The following HEATR4 variants were observed in gnomAD, a reference collection of about 807,000 sequenced individuals.
The protein encoded by HEATR4 is HEAT repeat containing 4.
A neutral mutation model predicts 108.8 loss-of-function variants in HEATR4; 95 were observed. The ratio of observed to expected loss-of-function variants is 0.87; its 90% CI spans 0.74 to 1.04. The LOEUF (loss-of-function observed/expected upper bound fraction) is 1.04, where lower values mean the gene tolerates loss of function less well. HEATR4 is among the 50% of genes least tolerant of loss of function. The pLI, the probability that HEATR4 is intolerant of heterozygous loss-of-function variation, is 0.00. For synonymous variants in HEATR4, 443 were observed against 459.4 expected, an observed-to-expected ratio of 0.96 and a Z score of 0.46; for missense variants, 1,152 against 1,253.8, an observed-to-expected ratio of 0.92 and a Z score of 1.23.
chr14:73,629,032 G>A, the HEATR4 span, among the ~76,000 whole-genome samples: 1 of 148,694 alleles, frequency 6.7e-6, no homozygotes. Flanking sequence ...TTCAGCCTGA[G>A]CAACAAGAGC....
chr14:73,600,958 T>C, the HEATR4 span, among the ~76,000 whole-genome samples: 1 of 151,348 alleles, frequency 6.6e-6, no homozygotes, highest in Non-Finnish European at 1.5e-5. Flanking sequence ...CCGGCCAACA[T>C]GGCGAAACCC....
In HEATR4 at chr14:73,547,237, C is replaced by T. The variant is rs1237753382; in HGVS notation, c.-152+11514G>A. Among the ~76,000 whole-genome samples, 2 of 114,420 alleles carry T rather than the reference C, an allele frequency of 1.7e-5. 1 individual carries two copies. The highest frequency in any genetic ancestry group is 5.6e-5 in the African/African-American group (2 of 35,594). 75.1% of individuals were successfully genotyped at this position (114,420 alleles called of 152,430 possible). ...CTCTACTGAAAATACAAGTATTAGCCGGGCGTGGTGCTGGGCGCCTGTAAT... is the reference window on the plus strand; with the variant it reads ...CTCTACTGAAAATACAAGTATTAGCTGGGCGTGGTGCTGGGCGCCTGTAAT... On this transcript the variant is annotated intron_variant, in intron 1 of 17. Transcript: ENST00000553558.
intron 5 of HEATR4, among the ~76,000 whole-genome samples, chr14:73,518,412 G>GAA (rs796658758): frequency 1.8e-5 from 2 of 108,772 alleles, no homozygotes; most frequent in Non-Finnish European, 4.0e-5. Context: ...TCCAAAAAAA[G>GAA]AAAAAAAAAA....
chr14:73,573,422 C>T, the HEATR4 span: 9 of 1,613,466 alleles, frequency 5.6e-6, no homozygotes, highest in African/African-American at 2.7e-5. Flanking sequence ...TGGACATGTT[C>T]GGAACTGGAG....
the HEATR4 span, among the ~76,000 whole-genome samples, chr14:73,602,991 A>G: frequency 6.6e-6 from 1 of 152,198 alleles, no homozygotes; most frequent in Admixed American, 6.5e-5. Context: ...ATCTTTTACC[A>G]AAAACACATT....
chr14:73,531,625 T>G lies in HEATR4; in HGVS notation c.-151-1381A>C, dbSNP rs1327892089. 5.5e-5 allele frequency among the ~76,000 whole-genome samples: 6 copies of G among 109,514 alleles called. 2 individuals are homozygous for G. Among genetic ancestry groups the G allele is most frequent in the African/African-American group, 1.8e-4 (6 of 33,998 alleles). 71.8% of individuals were successfully genotyped at this position (109,514 alleles called of 152,430 possible). A position where few individuals can be genotyped will look rare whatever the true frequency, so the allele number is the denominator to read the frequency against. On this transcript the variant is annotated intron_variant, in intron 1 of 17. Coordinates refer to ENST00000553558, the MANE Select transcript of HEATR4 (RefSeq NM_001220484.1). ...GGTTTCACCATATTGGCCAGGCTGT[T>G]CTCGAACTCCTGACCTCAAGTGATG...
chr14:73,616,892 G>T, the HEATR4 span: 1 of 571,648 alleles, frequency 1.7e-6, no homozygotes, highest in Non-Finnish European at 3.1e-6. Context: ...TTCTTTCTCT[G>T]CCAATCTCTC....
the HEATR4 span, chr14:73,619,920 T>A: frequency 3.5e-5 from 11 of 312,572 alleles, no homozygotes; most frequent in Non-Finnish European, 4.7e-5. Context: ...TTCTTTTCTC[T>A]TTTTTTTTTT....
Position 73,492,487 on chromosome 14 carries a change from C to T in HEATR4, c.2844+579G>A, listed in dbSNP as rs1211110564. The T allele has an allele frequency of 6.2e-7, 1 of 1,613,764 alleles. No individual in the cohort carries two copies. The highest frequency in any genetic ancestry group is 8.5e-7 in the Non-Finnish European group (1 of 1,179,796). ...GGGTCTTGGTTGCCCGCCTGGGACA[C>T]TTTGCTCCTGTTGATGCTGTGGCCG... On this transcript the variant is annotated intron_variant, in intron 17 of 17. Coordinates refer to ENST00000553558, the MANE Select transcript of HEATR4 (RefSeq NM_001220484.1). This position sits in a 1 kb window ranked among gnomAD's most constrained non-coding sequence, Gnocchi z 4.9.
chr14:73,591,923 G>C, the HEATR4 span: 2 of 1,352,112 alleles, frequency 1.5e-6, no homozygotes, highest in Non-Finnish European at 1.9e-6. Flanking sequence ...GACGGGTCTC[G>C]GGCCTCGACC....
chr14:73,488,671 C>T (rs1257505579), intron 17 of HEATR4, among the ~76,000 whole-genome samples: 1 of 151,512 alleles, frequency 6.6e-6, no homozygotes, highest in Non-Finnish European at 1.5e-5. Flanking sequence ...TTATAAATTA[C>T]TCAGTCTCAG....
At chr14:73,508,875 T>C (rs1373133204) in intron 8 of HEATR4, among the ~76,000 whole-genome samples, 5 of 152,006 alleles carry the variant, frequency 3.3e-5, no homozygotes, top group Non-Finnish European at 7.4e-5. Flanking sequence ...AGACAGGGTC[T>C]TGCTCTGTCA....
At chr14:73,606,911 T>G in the HEATR4 span, among the ~76,000 whole-genome samples, 2 of 152,176 alleles carry the variant, frequency 1.3e-5, no homozygotes, top group Admixed American at 1.3e-4. Flanking sequence ...ACTCAATAAT[T>G]TTTAGAGCTA....
rs1885818121 is a variant in HEATR4 at position 73,492,230 on chromosome 14, C to T, written c.2844+836G>A. 2 of 1,613,924 alleles carry T rather than the reference C, an allele frequency of 1.2e-6. No individual in the cohort carries two copies. Among genetic ancestry groups the T allele is most frequent in the Admixed American group, 1.7e-5 (1 of 60,002 alleles). On this transcript the variant is annotated intron_variant, in intron 17 of 17. Transcript: ENST00000553558. This position sits in a 1 kb window ranked among gnomAD's most constrained non-coding sequence, Gnocchi z 4.9. ...GCTGTATTTTCCTCGGGGCTTCATT[C>T]ACCAAGCTGAATGCCAGGATGGAGT...
rs548549911 is a variant in HEATR4 at position 73,532,651 on chromosome 14, T to C, written c.-151-2407A>G. ...CATAAAAGAGCGAGAGGGTACGTTT[T>C]TGGTATGAAAAGTAAAGACTAGGCC... On this transcript the variant is annotated intron_variant, in intron 1 of 17. Coordinates refer to ENST00000553558, the MANE Select transcript of HEATR4 (RefSeq NM_001220484.1). Among the ~76,000 whole-genome samples, 213 of 115,344 alleles carry C rather than the reference T, an allele frequency of 1.8e-3. 54 individuals are homozygous for C. Among genetic ancestry groups the C allele is most frequent in the African/African-American group, 5.7e-3 (203 of 35,468 alleles). The allele number at this position is 115,344 out of a possible 152,430, so 75.7% of individuals were successfully genotyped here.
rs1888806830 is a variant in HEATR4, at chr14:73,534,715, A to G, written c.-151-4471T>C. On this transcript the variant is annotated intron_variant, in intron 1 of 17. Coordinates refer to ENST00000553558, the MANE Select transcript of HEATR4 (RefSeq NM_001220484.1). Reference sequence around the variant, plus strand: ...TAAAAAACAAACAAGCAAATAAACAAATACTATGCATAAAACCTCAAGGCT... The same window carrying G: ...TAAAAAACAAACAAGCAAATAAACAGATACTATGCATAAAACCTCAAGGCT... Among the ~76,000 whole-genome samples, 2 of 113,980 alleles carry G rather than the reference A, an allele frequency of 1.8e-5. 1 individual carries two copies. The highest frequency in any genetic ancestry group is 5.6e-4 in the South Asian group (2 of 3,568). 74.8% of individuals were successfully genotyped at this position (113,980 alleles called of 152,430 possible). A position where few individuals can be genotyped will look rare whatever the true frequency, so the allele number is the denominator to read the frequency against.
the HEATR4 span, among the ~76,000 whole-genome samples, chr14:73,589,350 C>T: frequency 2.0e-5 from 3 of 151,540 alleles, no homozygotes; most frequent in African/African-American, 4.9e-5. Flanking sequence ...TTGAAAGTTT[C>T]GCTCTGTCAC....
Position 73,522,283 on chromosome 14 carries a change from G to A in HEATR4, c.870C>T (p.Pro290=), listed in dbSNP as rs563729071. The part of the protein sequence containing the change: ...QEKKKPELLL[P]VYYRLPSYFQ... Reference sequence around the variant, plus strand: ...CCTGGCCAGTATACCTGTAGTAAACGGGAAGCAGCAGTTCTGGCTTCTTCT... The same window carrying A: ...CCTGGCCAGTATACCTGTAGTAAACAGGAAGCAGCAGTTCTGGCTTCTTCT... The change falls in exon 3 of 18, where the codon CCC becomes CCT. Residue 290 remains proline, a synonymous_variant. Coordinates refer to ENST00000553558, the MANE Select transcript of HEATR4 (RefSeq NM_001220484.1). The A allele has an allele frequency of 1.4e-5, 23 of 1,613,830 alleles. No homozygotes were observed. Among genetic ancestry groups the A allele is most frequent in the East Asian group, 4.5e-5 (2 of 44,884 alleles).
the HEATR4 span, among the ~76,000 whole-genome samples, chr14:73,585,686 C>T: frequency 7.1e-5 from 10 of 141,638 alleles, no homozygotes; most frequent in African/African-American, 3.0e-4. Flanking sequence ...AGGACTAGAA[C>T]CCCAAAAAAA....
Sources: allele counts gnomAD v4.1 joint callset (sites outside exome capture counted in the v4.1 genomes callset), GRCh38; gene constraint gnomAD v4.1.1; non-coding constraint Gnocchi (gnomAD v3.1); transcripts MANE v1.5; gene names NCBI Gene and HGNC (gene_info 2026-07-23, HGNC 2026-07-21).